The following CHSY3 variants were observed in gnomAD, a reference collection of about 807,000 sequenced individuals.
CHSY3 encodes chondroitin sulfate synthase 3, also known as N-acetylgalactosaminyl-proteoglycan 3-beta-glucuronosyltransferase 3.
A neutral mutation model predicts 67.2 loss-of-function variants in CHSY3; 35 were observed. The observed-to-expected ratio is 0.52, with a 90% CI of 0.40 to 0.69. The LOEUF is 0.69. CHSY3 is among the 30% of genes least tolerant of loss of function. CHSY3 has a pLI of 0.00. For synonymous variants in CHSY3, 474 were observed against 434.7 expected, an observed-to-expected ratio of 1.09 and a Z score of -1.12; for missense variants, 1,069 against 1,138.5, an observed-to-expected ratio of 0.94 and a Z score of 0.88.
chr5:130,093,750 T>A (rs2149694422), intron 2 of CHSY3, among the ~76,000 whole-genome samples: 1 of 152,282 alleles, frequency 6.6e-6, no homozygotes, highest in Admixed American at 6.5e-5. Context: ...CAGCATCTTC[T>A]TAAGAATGGG....
At chr5:130,014,693 T>C (rs915199923) in intron 2 of CHSY3, among the ~76,000 whole-genome samples, 10 of 152,168 alleles carry the variant, frequency 6.6e-5, no homozygotes, top group African/African-American at 1.9e-4. Flanking sequence ...ATCAACCATA[T>C]ATAAAAATTA....
intron 2 of CHSY3, among the ~76,000 whole-genome samples, chr5:130,183,299 A>G (rs942652290): frequency 1.1e-4 from 16 of 152,136 alleles, no homozygotes; most frequent in African/African-American, 3.9e-4. Context: ...GACTAGCAGA[A>G]AGTCTTTTTG....
intron 2 of CHSY3, among the ~76,000 whole-genome samples, chr5:129,916,988 CTCT>C (rs1178512503): frequency 6.6e-6 from 1 of 152,070 alleles, no homozygotes; most frequent in East Asian, 1.9e-4. Flanking sequence ...TTAAGTAAGC[CTCT>C]TCTTTTGTTT....
At chr5:129,941,625 G>T (rs913976731) in intron 2 of CHSY3, among the ~76,000 whole-genome samples, 2 of 152,120 alleles carry the variant, frequency 1.3e-5, no homozygotes, top group African/African-American at 4.8e-5. Flanking sequence ...GTGTCTGTCA[G>T]GGGAAAAACT....
intron 2 of CHSY3, among the ~76,000 whole-genome samples, chr5:130,096,590 C>G (rs971006433): frequency 2.0e-5 from 3 of 152,140 alleles, no homozygotes; most frequent in Non-Finnish European, 4.4e-5. Flanking sequence ...TTCTGCAACT[C>G]TTCTGTAAGT....
chr5:130,033,830 C>T (rs1382556834), intron 2 of CHSY3, among the ~76,000 whole-genome samples: 1 of 152,058 alleles, frequency 6.6e-6, no homozygotes, highest in Non-Finnish European at 1.5e-5. Context: ...TTACCAATTA[C>T]TGGTCTTTCT....
At chr5:129,990,670 A>G (rs1416526730) in intron 2 of CHSY3, among the ~76,000 whole-genome samples, 1 of 152,144 alleles carries the variant, frequency 6.6e-6, no homozygotes, top group Non-Finnish European at 1.5e-5. Flanking sequence ...ATCCATTTAT[A>G]TAGTAGTAGA....
At chr5:130,007,401 G>C (rs1417957216) in intron 2 of CHSY3, among the ~76,000 whole-genome samples, 1 of 152,110 alleles carries the variant, frequency 6.6e-6, no homozygotes, top group Non-Finnish European at 1.5e-5. Flanking sequence ...TCTTCTGAAG[G>C]AAGTAATAGA....
chr5:130,051,490 G>A (rs1027378805), intron 2 of CHSY3, among the ~76,000 whole-genome samples: 3 of 151,902 alleles, frequency 2.0e-5, no homozygotes, highest in African/African-American at 7.3e-5. Context: ...GTTATTACAC[G>A]CTAGGGAAGA....
At chr5:130,050,291 G>A (rs1055285278) in intron 2 of CHSY3, among the ~76,000 whole-genome samples, 4 of 151,950 alleles carry the variant, frequency 2.6e-5, no homozygotes, top group East Asian at 3.9e-4. Context: ...ATTACCTTCC[G>A]TTCATTATCT....
chr5:130,126,045 C>T (rs1274931125), intron 2 of CHSY3, among the ~76,000 whole-genome samples: 2 of 152,080 alleles, frequency 1.3e-5, no homozygotes, highest in Non-Finnish European at 2.9e-5. Flanking sequence ...TTTTGCAATG[C>T]CTTTTTATAT....
chr5:129,905,256 G>T lies in CHSY3; in HGVS notation c.427G>T (p.Gly143Trp). The T allele has an allele frequency of 6.9e-7, 1 of 1,455,702 alleles. No homozygotes were observed. Among genetic ancestry groups the T allele is most frequent in the Non-Finnish European group, 9.0e-7 (1 of 1,106,914 alleles). 90.2% of individuals were successfully genotyped at this position (1,455,702 alleles called of 1,614,324 possible). A position where few individuals can be genotyped will look rare whatever the true frequency, so the allele number is the denominator to read the frequency against. The change falls in exon 1 of 3, where the codon GGG becomes TGG. Residue 143 changes from glycine (G) to tryptophan (W), a missense_variant. Around this residue, in one of 5 missense-constraint regions of CHSY3, gnomAD observed 309 missense variants for 262.5 expected, o/e 1.18. Transcript: ENST00000305031. Reference sequence around the variant, plus strand: ...CGAGGAGGAGGACGGGGGCGCGGCTGGGCAGCGGAGAGACGGCCGGCCGGG... The same window carrying T: ...CGAGGAGGAGGACGGGGGCGCGGCTTGGCAGCGGAGAGACGGCCGGCCGGG... ...EPEEEDGGAAGQRRDGRPGSS... is the reference protein window; with the variant it reads ...EPEEEDGGAAWQRRDGRPGSS...
chr5:129,931,063 A>G (rs1466517102), intron 2 of CHSY3, among the ~76,000 whole-genome samples: 1 of 150,146 alleles, frequency 6.7e-6, no homozygotes, highest in Non-Finnish European at 1.5e-5. Context: ...TGCTAACTGA[A>G]TTTTTTTTTT....
chr5:129,979,199 C>CAAAAAAAAAAAAAAAAAAAAAAAA (rs58584381), intron 2 of CHSY3, among the ~76,000 whole-genome samples: 2 of 62,536 alleles, frequency 3.2e-5, no homozygotes, highest in East Asian at 6.2e-4. Context: ...GACTCCGTCT[C>CAAAAAAAAAAAAAAAAAAAAAAAA]AAAAAAAAAA....
intron 2 of CHSY3, among the ~76,000 whole-genome samples, chr5:129,960,376 A>G (rs1762296071): frequency 6.6e-6 from 1 of 152,084 alleles, no homozygotes; most frequent in African/African-American, 2.4e-5. Context: ...TAAAATGGTC[A>G]TTGAGGTTGG....
intron 2 of CHSY3, among the ~76,000 whole-genome samples, chr5:129,921,073 G>A (rs1467118619): frequency 6.6e-6 from 1 of 152,152 alleles, no homozygotes; most frequent in African/African-American, 2.4e-5. Context: ...GCCTGCATTG[G>A]CTTCCCAAAG....
chr5:130,053,019 G>C (rs1017705508), intron 2 of CHSY3, among the ~76,000 whole-genome samples: 1 of 152,162 alleles, frequency 6.6e-6, no homozygotes, highest in Non-Finnish European at 1.5e-5. Context: ...ATGATGAACT[G>C]TTGAGTCAGT....
chr5:130,053,188 GTC>G (rs1315457705), intron 2 of CHSY3, among the ~76,000 whole-genome samples: 1 of 152,088 alleles, frequency 6.6e-6, no homozygotes, highest in Non-Finnish European at 1.5e-5. Context: ...TATAGAGTTA[GTC>G]TCCTGAAGGA....
intron 2 of CHSY3, among the ~76,000 whole-genome samples, chr5:130,069,096 CAT>C (rs1212825054): frequency 6.6e-6 from 1 of 152,040 alleles, no homozygotes; most frequent in Non-Finnish European, 1.5e-5. Flanking sequence ...AGGTTGAAAA[CAT>C]AAGCACTACT....
Sources: allele counts gnomAD v4.1 joint callset (sites outside exome capture counted in the v4.1 genomes callset), GRCh38; gene constraint gnomAD v4.1.1; regional missense constraint gnomAD v4.1.1; transcripts MANE v1.5; gene names NCBI Gene and HGNC (gene_info 2026-07-23, HGNC 2026-07-21).